The following CRX variants were observed in gnomAD, a reference collection of about 807,000 sequenced individuals.
CRX encodes cone-rod homeobox protein.
Under a neutral mutation model 13.1 loss-of-function variants are expected in CRX, and 5 were observed. That is an observed-to-expected ratio of 0.38 (90% CI 0.20 to 0.80). The LOEUF is 0.80. Ranked by LOEUF, CRX falls within the 30% of genes least tolerant of loss-of-function variation. The pLI, the probability that CRX is intolerant of heterozygous loss-of-function variation, is 0.43. For synonymous variants in CRX, 179 were observed against 171.1 expected (o/e 1.05, Z -0.36); for missense variants, 351 against 391.8 (o/e 0.90, Z 0.88).
chr19:47,833,445 C>A (rs998207703), intron 1 of CRX, among the ~76,000 whole-genome samples: 1 of 151,614 alleles, frequency 6.6e-6, no homozygotes, highest in African/African-American at 2.4e-5. Flanking sequence ...CCACACCTGG[C>A]TAATTTTTGT....
chr19:47,822,450 C>T (rs533817282), intron 1 of CRX, among the ~76,000 whole-genome samples: 3 of 152,350 alleles, frequency 2.0e-5, no homozygotes, highest in South Asian at 4.1e-4. Context: ...TTGTTGAGCA[C>T]TGATTTTTCC....
chr19:47,828,885 T>A (rs1421818586), intron 1 of CRX, among the ~76,000 whole-genome samples: 1 of 137,512 alleles, frequency 7.3e-6, no homozygotes, highest in Non-Finnish European at 1.5e-5. Flanking sequence ...GTTTTTGCTT[T>A]TGACAAGAAC....
At position 47,833,019 on chromosome 19, in the gene CRX, T is replaced by C. The variant is rs144337329; in HGVS notation, c.-35-1390T>C. On this transcript the variant is annotated intron_variant, in intron 1 of 3. Coordinates refer to ENST00000221996, the MANE Select transcript of CRX (RefSeq NM_000554.6). Reference sequence around the variant, plus strand: ...ATAGGTCAAAAGTGATCATGGAAGATCCACACTCGCTTTTTTTTTTTTTTT... The same window carrying C: ...ATAGGTCAAAAGTGATCATGGAAGACCCACACTCGCTTTTTTTTTTTTTTT... Among the ~76,000 whole-genome samples the C allele has an allele frequency of 1.8e-3, 258 of 144,018 alleles. 1 individual carries two copies. Among genetic ancestry groups the C allele is most frequent in the African/African-American group, 6.6e-3 (253 of 38,448 alleles). 94.5% of individuals were successfully genotyped at this position (144,018 alleles called of 152,430 possible). A position where few individuals can be genotyped will look rare whatever the true frequency, so the allele number is the denominator to read the frequency against.
At chr19:47,827,202 G>C (rs1340067888) in intron 1 of CRX, among the ~76,000 whole-genome samples, 2 of 152,090 alleles carry the variant, frequency 1.3e-5, no homozygotes, top group Non-Finnish European at 2.9e-5. Flanking sequence ...AGCTGCTTTT[G>C]ATTTTATTGT....
chr19:47,835,237 T>G (rs1242189130), intron 2 of CRX, among the ~76,000 whole-genome samples: 1 of 151,768 alleles, frequency 6.6e-6, no homozygotes, highest in Non-Finnish European at 1.5e-5. Flanking sequence ...ATTTTTTTTT[T>G]TGTAGAGATT....
At position 47,842,633 on chromosome 19, in the gene CRX, G is replaced by C. The variant is rs1162828205; in HGVS notation, c.*2666G>C. 6.6e-6 allele frequency: 1 copy of C among 152,116 alleles called. No individual in the cohort carries two copies. Among genetic ancestry groups the C allele is most frequent in the Admixed American group, 6.6e-5 (1 of 15,214 alleles). 9.4% of individuals were successfully genotyped at this position (152,116 alleles called of 1,614,324 possible). Reference sequence around the variant, plus strand: ...CAGGAGTGGCTCAAGAGTCCAGTGTGGGATGAAAATATAAACAGAGGAAGA... The same window carrying C: ...CAGGAGTGGCTCAAGAGTCCAGTGTCGGATGAAAATATAAACAGAGGAAGA... On this transcript the variant is annotated 3_prime_UTR_variant, in exon 4 of 4. Coordinates refer to ENST00000221996, the MANE Select transcript of CRX (RefSeq NM_000554.6).
intron 2 of CRX, among the ~76,000 whole-genome samples, chr19:47,835,238 T>G (rs1454694782): frequency 1.3e-5 from 2 of 150,822 alleles, no homozygotes; most frequent in Admixed American, 6.6e-5. Context: ...TTTTTTTTTT[T>G]GTAGAGATTG....
intron 1 of CRX, among the ~76,000 whole-genome samples, chr19:47,831,981 C>G (rs8107438): frequency 3.4e-5 from 5 of 146,040 alleles, no homozygotes; most frequent in Admixed American, 2.0e-4. Context: ...TCAGGTGATC[C>G]GCCTGCTTTG....
chr19:47,839,256 A>T lies in CRX; in HGVS notation c.253-64A>T. The stretch of plus-strand genomic sequence containing the variant: ...CCAATAAGTGTCCTCATCCCCGGGC[A>T]CCCTGCGGCTCTCCTGGGCCTCTTC... On this transcript the variant is annotated intron_variant, in intron 3 of 3. Transcript: ENST00000221996. This position sits in a 1 kb window ranked among gnomAD's most constrained non-coding sequence, Gnocchi z 4.6. The T allele has an allele frequency of 6.5e-7, 1 of 1,547,478 alleles. No homozygotes were observed. The highest frequency in any genetic ancestry group is 8.8e-7 in the Non-Finnish European group (1 of 1,141,622).
At chr19:47,829,767 C>A (rs1299626291) in intron 1 of CRX, among the ~76,000 whole-genome samples, 1 of 151,244 alleles carries the variant, frequency 6.6e-6, no homozygotes, top group Non-Finnish European at 1.5e-5. Context: ...GTAGCTGAGA[C>A]TACAGGTGCG....
rs1421809027 is a variant in CRX, at chr19:47,840,457, A to C, written c.*490A>C. On this transcript the variant is annotated 3_prime_UTR_variant, in exon 4 of 4. Coordinates refer to ENST00000221996, the MANE Select transcript of CRX (RefSeq NM_000554.6). Reference sequence around the variant, plus strand: ...AGCTCTGTCGCCCAGGCTGGAGTGCAGTGGCACGATCTCAGCTCACTGCAA... The same window carrying C: ...AGCTCTGTCGCCCAGGCTGGAGTGCCGTGGCACGATCTCAGCTCACTGCAA... 5.9e-6 allele frequency: 1 copy of C among 168,390 alleles called. No homozygotes were observed. Among genetic ancestry groups the C allele is most frequent in the African/African-American group, 2.4e-5 (1 of 41,544 alleles). The allele number at this position is 168,390 out of a possible 1,614,324, so 10.4% of individuals were successfully genotyped here.
At chr19:47,824,146 G>A (rs1967946025) in intron 1 of CRX, among the ~76,000 whole-genome samples, 2 of 152,196 alleles carry the variant, frequency 1.3e-5, no homozygotes, top group South Asian at 4.1e-4. Context: ...CTGTTTCTAG[G>A]GTCCCTAGGT....
intron 2 of CRX, among the ~76,000 whole-genome samples, chr19:47,835,232 T>A (rs1051883256): frequency 8.6e-5 from 13 of 151,564 alleles, no homozygotes; most frequent in African/African-American, 2.9e-4. Flanking sequence ...TTATTATTTT[T>A]TTTTTTGTAG....
At chr19:47,824,182 C>T (rs907626562) in intron 1 of CRX, among the ~76,000 whole-genome samples, 2 of 152,190 alleles carry the variant, frequency 1.3e-5, no homozygotes, top group Admixed American at 6.5e-5. Flanking sequence ...GAGCGGGGCT[C>T]GGGGGCCAAA....
At chr19:47,823,053 C>T (rs1203135340) in intron 1 of CRX, among the ~76,000 whole-genome samples, 2 of 152,138 alleles carry the variant, frequency 1.3e-5, no homozygotes, top group Non-Finnish European at 2.9e-5. Flanking sequence ...GCCTGAGCCT[C>T]CCAAAGTGCT....
At position 47,842,703 on chromosome 19, in the gene CRX, C is replaced by T. The variant is rs1968213338; in HGVS notation, c.*2736C>T. 2 of 152,262 alleles carry T rather than the reference C, an allele frequency of 1.3e-5. No individual in the cohort carries two copies. The highest frequency in any genetic ancestry group is 1.5e-5 in the Non-Finnish European group (1 of 68,110). The allele number at this position is 152,262 out of a possible 1,614,324, so 9.4% of individuals were successfully genotyped here. On this transcript the variant is annotated 3_prime_UTR_variant, in exon 4 of 4. Coordinates refer to ENST00000221996, the MANE Select transcript of CRX (RefSeq NM_000554.6). ...GGCTGGGGGAGCTAGACAAAATTCA[C>T]ACGGGAGGGGCAGGGATGAGACAAT... is the stretch of plus-strand genomic sequence containing the variant.
rs560588715 is a variant in CRX, at chr19:47,822,679, C to A, written c.-36+669C>A. ...GAATTGATCACTTAGGGCCTCAATG[C>A]ACCCAGAGGCTCTGGCTTTCAGCCC... is the stretch of plus-strand genomic sequence containing the variant. On this transcript the variant is annotated intron_variant, in intron 1 of 3. Coordinates refer to ENST00000221996, the MANE Select transcript of CRX (RefSeq NM_000554.6). Among the ~76,000 whole-genome samples, 11 of 152,368 alleles carry A rather than the reference C, an allele frequency of 7.2e-5. 1 individual carries two copies. In the South Asian group the frequency reaches 2.3e-3, roughly 32 times the overall value.
At chr19:47,828,934 ACACACAC>A (rs1968010700) in intron 1 of CRX, among the ~76,000 whole-genome samples, 1 of 148,364 alleles carries the variant, frequency 6.7e-6, no homozygotes, top group Non-Finnish European at 1.5e-5. Flanking sequence ...ACACACACAC[ACACACAC>A]AATTAAAAAG....
intron 1 of CRX, among the ~76,000 whole-genome samples, chr19:47,832,398 G>T (rs914433970): frequency 6.6e-6 from 1 of 151,508 alleles, no homozygotes; most frequent in Non-Finnish European, 1.5e-5. Flanking sequence ...GAGCCACTGC[G>T]CCCAGGCTTA....
Sources: gnomAD v4.1 joint callset for allele counts (sites outside exome capture counted in the v4.1 genomes callset) on GRCh38, gnomAD v4.1.1 for gene constraint, Gnocchi (gnomAD v3.1) non-coding constraint, MANE v1.5 for transcripts, NCBI Gene and HGNC (gene_info 2026-07-23, HGNC 2026-07-21) for gene names.